Variants in SLC8A1 observed in about 807,000 individuals in gnomAD.
SLC8A1 encodes the protein solute carrier family 8 member A1, also known as sodium/calcium exchanger 1.
A neutral mutation model predicts 68.3 loss-of-function variants in SLC8A1; 18 were observed. The ratio of observed to expected loss-of-function variants is 0.26; its 90% CI spans 0.18 to 0.39. The LOEUF (loss-of-function observed/expected upper bound fraction) is 0.39, where lower values mean the gene tolerates loss of function less well. Ranked by LOEUF, SLC8A1 falls within the 10% of genes least tolerant of loss-of-function variation. SLC8A1 has a pLI of 1.00. For missense variants in SLC8A1, 985 were observed against 1,156.7 expected, an observed-to-expected ratio of 0.85 and a Z score of 2.15; for synonymous variants, 475 against 415.5, an observed-to-expected ratio of 1.14 and a Z score of -1.74.
chr2:40,368,986 T>G (rs1677136649), intron 2 of SLC8A1, among the ~76,000 whole-genome samples: 1 of 152,082 alleles, frequency 6.6e-6, no homozygotes, highest in African/African-American at 2.4e-5. Context: ...GCTAGCTGTA[T>G]GCAGGAGATT....
chr2:40,473,425 C>T (rs1224852779), intron 1 of SLC8A1, among the ~76,000 whole-genome samples: 2 of 152,086 alleles, frequency 1.3e-5, no homozygotes, highest in Non-Finnish European at 2.9e-5. Context: ...TTCCTTTTCC[C>T]TCTCCCCTAC....
intron 1 of SLC8A1, among the ~76,000 whole-genome samples, chr2:40,464,306 C>T (rs1308435841): frequency 6.6e-6 from 1 of 152,210 alleles, no homozygotes; most frequent in Non-Finnish European, 1.5e-5. Context: ...ACAGCACTGG[C>T]TGAATTCTAG....
At chr2:40,169,310 A>G (rs1359680583) in intron 4 of SLC8A1, among the ~76,000 whole-genome samples, 3 of 152,204 alleles carry the variant, frequency 2.0e-5, no homozygotes, top group East Asian at 1.9e-4. Context: ...TGGTGGGACA[A>G]TTTGCTCCAG....
intron 2 of SLC8A1, among the ~76,000 whole-genome samples, chr2:40,416,751 G>C (rs1694005200): frequency 6.6e-6 from 1 of 152,014 alleles, no homozygotes; most frequent in Non-Finnish European, 1.5e-5. Flanking sequence ...CTAAATACTT[G>C]TTTCCTTCTG....
At chr2:40,500,661 T>A (rs1294913227) in intron 1 of SLC8A1, among the ~76,000 whole-genome samples, 2 of 152,038 alleles carry the variant, frequency 1.3e-5, no homozygotes, top group African/African-American at 4.8e-5. Context: ...TCCATTTTCT[T>A]GGGACATTCC....
chr2:40,442,180 C>A (rs1700615826), intron 1 of SLC8A1, among the ~76,000 whole-genome samples: 2 of 148,418 alleles, frequency 1.3e-5, no homozygotes, highest in African/African-American at 2.5e-5. Flanking sequence ...GCACATGTAC[C>A]CTAAAACTTA....
intron 2 of SLC8A1, among the ~76,000 whole-genome samples, chr2:40,381,001 T>A (rs555953305): frequency 6.6e-6 from 1 of 152,144 alleles, no homozygotes; most frequent in Non-Finnish European, 1.5e-5. Context: ...GAGTTTGAAG[T>A]TTTTCTTAGA....
intron 2 of SLC8A1, among the ~76,000 whole-genome samples, chr2:40,412,365 A>G (rs1393977633): frequency 6.6e-6 from 1 of 152,152 alleles, no homozygotes; most frequent in Non-Finnish European, 1.5e-5. Flanking sequence ...GCTGTTTTAC[A>G]TAGAGGGATA....
At chr2:40,227,815 A>T (rs373724280) in intron 2 of SLC8A1, among the ~76,000 whole-genome samples, 203 of 152,186 alleles carry the variant, frequency 1.3e-3, no homozygotes, top group African/African-American at 4.7e-3. Flanking sequence ...CAATGACAGC[A>T]CGGTGCTATA....
chr2:40,250,922 A>T (rs1025960202), intron 2 of SLC8A1: 1 of 152,204 alleles, frequency 6.6e-6, no homozygotes, highest in South Asian at 2.1e-4. Flanking sequence ...TCAGAATTTG[A>T]TGATTATTCT....
At chr2:40,292,953 T>C (rs1330804604) in intron 2 of SLC8A1, among the ~76,000 whole-genome samples, 2 of 152,286 alleles carry the variant, frequency 1.3e-5, no homozygotes, top group African/African-American at 4.8e-5. Context: ...CCATAGATCA[T>C]GGGAAAAGAG....
chr2:40,434,451 G>A (rs1337098171), intron 1 of SLC8A1, among the ~76,000 whole-genome samples: 1 of 151,796 alleles, frequency 6.6e-6, no homozygotes, highest in Non-Finnish European at 1.5e-5. Context: ...TTTCTTTCGG[G>A]GTCTTTCCTC....
At chr2:40,451,483 A>T (rs1035890269) in intron 1 of SLC8A1, among the ~76,000 whole-genome samples, 21 of 152,110 alleles carry the variant, frequency 1.4e-4, no homozygotes, top group Admixed American at 1.4e-3. Flanking sequence ...GTCCGCGGAG[A>T]AGAGTCCAGT....
At chr2:40,357,537 T>C (rs961287296) in intron 2 of SLC8A1, among the ~76,000 whole-genome samples, 1 of 146,838 alleles carries the variant, frequency 6.8e-6, no homozygotes, top group Non-Finnish European at 1.5e-5. Context: ...TAAACAGTAA[T>C]ATTTCTGTGC....
At chr2:40,133,307 T>C (rs192297579) in intron 7 of SLC8A1, among the ~76,000 whole-genome samples, 14 of 151,258 alleles carry the variant, frequency 9.3e-5, no homozygotes, top group Admixed American at 9.2e-4. Context: ...AATTCAGAAG[T>C]CGAAAAGTGT....
chr2:40,429,121 G>C, exon 2 of SLC8A1: 1 of 1,613,046 alleles, frequency 6.2e-7, no homozygotes, highest in Non-Finnish European at 8.5e-7. Flanking sequence ...AGCCTTCCTT[G>C]CTTGGTCAGC....
At chr2:40,432,272 G>C (rs951274306) in intron 1 of SLC8A1, among the ~76,000 whole-genome samples, 5 of 151,748 alleles carry the variant, frequency 3.3e-5, no homozygotes, top group Middle Eastern at 3.4e-3. Flanking sequence ...ATAAAACAAA[G>C]TCTCTGTCCT....
chr2:40,162,191 A>G (rs1303193774), intron 5 of SLC8A1, among the ~76,000 whole-genome samples: 1 of 152,204 alleles, frequency 6.6e-6, no homozygotes, highest in African/African-American at 2.4e-5. Flanking sequence ...GGTGCCCCTG[A>G]TAACAGCTGT....
intron 7 of SLC8A1, among the ~76,000 whole-genome samples, chr2:40,126,651 T>C (rs139824765): frequency 8.1e-4 from 124 of 152,292 alleles, no homozygotes; most frequent in African/African-American, 2.9e-3. Context: ...GATTAGAGGT[T>C]TGAAGTGTGA....
Sources: gnomAD v4.1 joint callset for allele counts (sites outside exome capture counted in the v4.1 genomes callset) on GRCh38, gnomAD v4.1.1 for gene constraint, MANE v1.5 for transcripts, NCBI Gene and HGNC (gene_info 2026-07-23, HGNC 2026-07-21) for gene names.